MAPRE2: variants seen among roughly 807,000 people sequenced by gnomAD.
MAPRE2 encodes microtubule associated protein RP/EB family member 2, also known as microtubule-associated protein RP/EB family member 2.
In MAPRE2, 13 loss-of-function variants were observed where a neutral mutation model predicts 43.2. The ratio of observed to expected loss-of-function variants is 0.30; its 90% CI spans 0.20 to 0.48. The LOEUF (loss-of-function observed/expected upper bound fraction) is 0.48, where lower values mean the gene tolerates loss of function less well. Ranked by LOEUF, MAPRE2 falls within the 20% of genes least tolerant of loss-of-function variation. The pLI is 0.99. For missense variants in MAPRE2, 161 were observed against 400.2 expected (o/e 0.40, Z 5.10); for synonymous variants, 135 against 148.8 (o/e 0.91, Z 0.68).
chr18:35,038,741 T>G (rs949832003), upstream of MAPRE2, among the ~76,000 whole-genome samples: 5 of 152,202 alleles, frequency 3.3e-5, no homozygotes, highest in African/African-American at 1.2e-4. Flanking sequence ...GGCTTCCAGG[T>G]AACCTGATTT....
chr18:35,077,683 G>C (rs895377579), intron 2 of MAPRE2, among the ~76,000 whole-genome samples: 1 of 152,188 alleles, frequency 6.6e-6, no homozygotes, highest in Non-Finnish European at 1.5e-5. Flanking sequence ...AAGGTTGTGA[G>C]AAAACTTGCT....
intron 2 of MAPRE2, among the ~76,000 whole-genome samples, chr18:35,095,079 C>A (rs1182436980): frequency 6.6e-6 from 1 of 152,088 alleles, no homozygotes; most frequent in Non-Finnish European, 1.5e-5. Context: ...AAATTAGAAC[C>A]ATACTTTATA....
At chr18:34,992,177 TA>T (rs1048664639) in intron 1 of MAPRE2, among the ~76,000 whole-genome samples, 10 of 152,072 alleles carry the variant, frequency 6.6e-5, no homozygotes, top group Non-Finnish European at 1.5e-4. Flanking sequence ...CTCTAGAGAT[TA>T]AAAAAATTAA....
At chr18:35,095,311 A>C (rs1365194389) in intron 2 of MAPRE2, among the ~76,000 whole-genome samples, 4 of 151,782 alleles carry the variant, frequency 2.6e-5, no homozygotes, top group African/African-American at 9.7e-5. Context: ...TTACATTAAA[A>C]ATGGGTATAA....
At chr18:35,041,322 T>G, upstream of MAPRE2, 1 of 1,425,650 alleles carries the variant, frequency 7.0e-7, no homozygotes, top group Non-Finnish European at 9.1e-7. Flanking sequence ...GGCAACAGGC[T>G]GGCCACGTGA....
intron 2 of MAPRE2, among the ~76,000 whole-genome samples, chr18:35,017,025 C>T (rs933690483): frequency 1.1e-4 from 17 of 151,900 alleles, no homozygotes; most frequent in Non-Finnish European, 4.4e-5. Context: ...ATATGGCTAG[C>T]TAGCTATCTC....
chr18:35,111,162 G>A (rs1365184727), intron 4 of MAPRE2, among the ~76,000 whole-genome samples: 1 of 152,052 alleles, frequency 6.6e-6, no homozygotes, highest in African/African-American at 2.4e-5. Flanking sequence ...CTTTAGATTA[G>A]ATGGTTTCTG....
intron 1 of MAPRE2, among the ~76,000 whole-genome samples, chr18:35,062,887 T>G (rs1038537171): frequency 1.3e-5 from 2 of 152,236 alleles, no homozygotes; most frequent in African/African-American, 4.8e-5. Flanking sequence ...GTTGTTTCAT[T>G]TATGTGAAAC....
intron 4 of MAPRE2, among the ~76,000 whole-genome samples, chr18:35,114,650 G>C (rs1235026895): frequency 6.6e-6 from 1 of 152,136 alleles, no homozygotes; most frequent in Non-Finnish European, 1.5e-5. Flanking sequence ...GATGCAATTG[G>C]CATGTATTTG....
chr18:35,041,364 G>T, upstream of MAPRE2: 1 of 1,452,132 alleles, frequency 6.9e-7, no homozygotes, highest in Non-Finnish European at 9.0e-7. Flanking sequence ...TCTGACGTCA[G>T]CTGCCAGAGG....
intron 1 of MAPRE2, among the ~76,000 whole-genome samples, chr18:34,996,581 AGTACAACAAACATG>A (rs1223375543): frequency 1.3e-5 from 2 of 152,154 alleles, no homozygotes; most frequent in Non-Finnish European, 1.5e-5. Flanking sequence ...CCAGCTTCAA[AGTACAACAAACATG>A]GGTTGGAAGC....
chr18:34,984,740 T>C (rs991909755), intron 1 of MAPRE2, among the ~76,000 whole-genome samples: 2 of 141,856 alleles, frequency 1.4e-5, no homozygotes, highest in Non-Finnish European at 3.0e-5. Context: ...TTTAATAATA[T>C]ATTATTTAAT....
At chr18:35,018,712 T>C (rs1170951181) in intron 2 of MAPRE2, among the ~76,000 whole-genome samples, 1 of 151,848 alleles carries the variant, frequency 6.6e-6, no homozygotes, top group Non-Finnish European at 1.5e-5. Context: ...TTGATCTTCT[T>C]TTTTTCTGTG....
At chr18:35,131,852 A>G (rs1910162833) in intron 5 of MAPRE2, 180 bp from the exon 6 acceptor site, 1 of 601,294 alleles carries the variant, frequency 1.7e-6, no homozygotes, top group African/African-American at 1.9e-5. Flanking sequence ...GGAGAATTGG[A>G]CGTTTTGGCC....
chr18:35,030,061 G>T (rs2097047080), intron 2 of MAPRE2, among the ~76,000 whole-genome samples: 1 of 152,190 alleles, frequency 6.6e-6, no homozygotes, highest in East Asian at 1.9e-4. Flanking sequence ...ATAAGGACAA[G>T]AAAATTATTT....
At chr18:34,991,055 CA>C (rs1456038601) in intron 1 of MAPRE2, among the ~76,000 whole-genome samples, 4 of 152,116 alleles carry the variant, frequency 2.6e-5, no homozygotes, top group African/African-American at 9.7e-5. Flanking sequence ...GGGGCACATG[CA>C]GATTTGTTAC....
intron 2 of MAPRE2, among the ~76,000 whole-genome samples, chr18:35,012,777 T>C (rs778279497): frequency 2.6e-5 from 4 of 152,178 alleles, no homozygotes; most frequent in Admixed American, 2.0e-4. Context: ...TTAATAGTTA[T>C]AGAGTTTCAG....
At position 35,041,520 on chromosome 18, in the gene MAPRE2, C is replaced by A; in HGVS notation, c.-20C>A. The A allele has an allele frequency of 1.2e-6, 2 of 1,614,132 alleles. No homozygotes were observed. The highest frequency in any genetic ancestry group is 1.7e-6 in the Non-Finnish European group (2 of 1,180,034). On this transcript the variant is annotated 5_prime_UTR_variant, in exon 1 of 7. Coordinates refer to ENST00000300249, the MANE Select transcript of MAPRE2 (RefSeq NM_014268.4). ...CCAGCCAGCCCACAGCGGTTTGTTC[C>A]CCTTCTCGGGAGTGCGCCAATGCCT...
chr18:35,093,588 T>A (rs952165372), intron 2 of MAPRE2, among the ~76,000 whole-genome samples: 2 of 152,098 alleles, frequency 1.3e-5, no homozygotes, highest in African/African-American at 4.8e-5. Context: ...TTTAGTCATA[T>A]AAAAAAATGA....
Sources: gnomAD v4.1 joint callset for allele counts (sites outside exome capture counted in the v4.1 genomes callset) on GRCh38, gnomAD v4.1.1 for gene constraint, MANE v1.5 for transcripts, NCBI Gene and HGNC (gene_info 2026-07-23, HGNC 2026-07-21) for gene names.